The following NRG1 variants were observed in gnomAD, a reference collection of about 807,000 sequenced individuals.
NRG1 encodes the protein pro-neuregulin-1, membrane-bound isoform.
Under a neutral mutation model 63.8 loss-of-function variants are expected in NRG1, and 18 were observed. The ratio of observed to expected loss-of-function variants is 0.28; its 90% CI spans 0.19 to 0.42. NRG1 has a LOEUF of 0.42. Ranked by LOEUF, NRG1 falls within the 10% of genes least tolerant of loss-of-function variation. The pLI is 1.00. For synonymous variants in NRG1, 302 were observed against 301.3 expected, an observed-to-expected ratio of 1.00 and a Z score of -0.02; for missense variants, 762 against 814.7, an observed-to-expected ratio of 0.94 and a Z score of 0.79.
At chr8:32,656,481 G>C (rs1801513496) in intron 5 of NRG1, among the ~76,000 whole-genome samples, 1 of 152,030 alleles carries the variant, frequency 6.6e-6, no homozygotes, top group Non-Finnish European at 1.5e-5. Context: ...CACACTTAAG[G>C]GATTTTGGTA....
intron 1 of NRG1, among the ~76,000 whole-genome samples, chr8:32,320,039 C>T (rs1021908798): frequency 6.6e-6 from 1 of 152,088 alleles, no homozygotes; most frequent in South Asian, 2.1e-4. Context: ...TGGTTTTAAG[C>T]CCAGGTCTGC....
At position 31,702,983 on chromosome 8, in the gene NRG1, C is replaced by T. The variant is rs149273953; in HGVS notation, c.37+63552C>T. The stretch of plus-strand genomic sequence containing the variant: ...GAAATTTTGGTCTTGCAGAAGGAAT[C>T]CATTTGTTCTGTGAATCTCTATAAA... On this transcript the variant is annotated intron_variant, in intron 1 of 10. Coordinates refer to the NRG1 transcript ENST00000519301. Among the ~76,000 whole-genome samples, 6 of 151,094 alleles carry T rather than the reference C, an allele frequency of 4.0e-5. No homozygotes were observed. In the South Asian group the frequency reaches 1.1e-3, roughly 26 times the overall value.
At chr8:32,589,406 A>G (rs1008547144) in intron 1 of NRG1, among the ~76,000 whole-genome samples, 2 of 152,230 alleles carry the variant, frequency 1.3e-5, no homozygotes, top group Non-Finnish European at 2.9e-5. Context: ...ATTAGCTAAC[A>G]TAATTGTCAG....
intron 1 of NRG1, among the ~76,000 whole-genome samples, chr8:31,805,175 A>G (rs143157847): frequency 1.2e-3 from 179 of 152,244 alleles, no homozygotes; most frequent in African/African-American, 3.9e-3. Flanking sequence ...ACTTTAGGTA[A>G]TGAATAAATC....
intron 1 of NRG1, among the ~76,000 whole-genome samples, chr8:32,593,969 C>A (rs1359740466): frequency 6.6e-6 from 1 of 151,892 alleles, no homozygotes; most frequent in East Asian, 1.9e-4. Context: ...CATTAAATGG[C>A]TGCTTCTCCA....
chr8:31,834,905 C>G (rs1825553416), intron 1 of NRG1, among the ~76,000 whole-genome samples: 1 of 152,114 alleles, frequency 6.6e-6, no homozygotes, highest in Non-Finnish European at 1.5e-5. Context: ...GTTTATGCAA[C>G]TGTACATTTA....
intron 1 of NRG1, among the ~76,000 whole-genome samples, chr8:32,540,341 A>T (rs1321070724): frequency 3.9e-5 from 6 of 152,216 alleles, no homozygotes; most frequent in Non-Finnish European, 8.8e-5. Flanking sequence ...TATATCTGAT[A>T]AGAATCCTAG....
At chr8:32,488,318 A>C (rs1554557748) in intron 1 of NRG1, among the ~76,000 whole-genome samples, 1 of 152,200 alleles carries the variant, frequency 6.6e-6, no homozygotes, top group Non-Finnish European at 1.5e-5. Flanking sequence ...ACACTGCCAG[A>C]GCAAAATCAG....
intron 1 of NRG1, among the ~76,000 whole-genome samples, chr8:32,396,846 T>C (rs1172531023): frequency 1.3e-5 from 2 of 152,234 alleles, no homozygotes; most frequent in African/African-American, 4.8e-5. Flanking sequence ...TCTACTATGC[T>C]GACATCCATC....
intron 2 of NRG1, among the ~76,000 whole-genome samples, chr8:32,601,737 C>T (rs933222678): frequency 2.0e-5 from 3 of 151,702 alleles, no homozygotes; most frequent in Non-Finnish European, 4.4e-5. Flanking sequence ...TTTTTATCAT[C>T]AAATATCATT....
chr8:32,255,172 G>A (rs1446275451), intron 1 of NRG1, among the ~76,000 whole-genome samples: 1 of 152,050 alleles, frequency 6.6e-6, no homozygotes, highest in Non-Finnish European at 1.5e-5. Flanking sequence ...TCTTTAATTG[G>A]GGCATTTAGC....
In NRG1 at chr8:32,412,554, T is replaced by A. The variant is rs546253458; in HGVS notation, c.38-183274T>A. 9.9e-5 allele frequency among the ~76,000 whole-genome samples: 15 copies of A among 150,836 alleles called. 1 individual carries two copies. The highest frequency in any genetic ancestry group is 7.3e-4 in the Admixed American group (11 of 15,074). On this transcript the variant is annotated intron_variant, in intron 1 of 10. Transcript: ENST00000519301. ...AGTTATGTGTCACTTAACAATAGGA[T>A]ATATTCCAAAAATGTGTCATTAGGC...
At chr8:32,267,336 A>G (rs1006851824) in intron 1 of NRG1, among the ~76,000 whole-genome samples, 2 of 152,184 alleles carry the variant, frequency 1.3e-5, no homozygotes, top group African/African-American at 4.8e-5. Context: ...AAAATCCACT[A>G]TTCTTTGGAA....
intron 1 of NRG1, among the ~76,000 whole-genome samples, chr8:32,528,497 A>G (rs1246566920): frequency 6.6e-6 from 1 of 152,198 alleles, no homozygotes; most frequent in Non-Finnish European, 1.5e-5. Context: ...ATGTACATAT[A>G]TGTATAACAG....
chr8:32,007,020 A>G (rs1260660292), intron 1 of NRG1, among the ~76,000 whole-genome samples: 6 of 152,032 alleles, frequency 3.9e-5, no homozygotes, highest in African/African-American at 1.4e-4. Context: ...CTGGTGTTTG[A>G]TATTTCAGAG....
At chr8:32,139,158 C>G (rs1835925462) in intron 1 of NRG1, 1 of 152,200 alleles carries the variant, frequency 6.6e-6, no homozygotes, top group South Asian at 2.1e-4. Context: ...CAGCCTTGTC[C>G]TCTAATTCAG....
At chr8:32,592,184 G>C (rs1208292477) in intron 1 of NRG1, among the ~76,000 whole-genome samples, 1 of 151,398 alleles carries the variant, frequency 6.6e-6, no homozygotes, top group Admixed American at 6.6e-5. Flanking sequence ...CTAAAGTTTA[G>C]TTGAAGACAT....
At chr8:32,250,009 C>T (rs1321768506) in intron 1 of NRG1, among the ~76,000 whole-genome samples, 2 of 151,922 alleles carry the variant, frequency 1.3e-5, no homozygotes, top group Admixed American at 6.6e-5. Flanking sequence ...TATGGGAAGG[C>T]AGTTTGGGCC....
At position 31,754,572 on chromosome 8, in the gene NRG1, G is replaced by A. The variant is rs141580476; in HGVS notation, c.37+115141G>A. Among the ~76,000 whole-genome samples the A allele has an allele frequency of 2.2e-3, 331 of 152,056 alleles. 1 individual carries two copies. Among genetic ancestry groups the A allele is most frequent in the Middle Eastern group, 3.4e-3 (1 of 294 alleles). The stretch of plus-strand genomic sequence containing the variant: ...CTTCCTTCAAAAATTAACCATTCTC[G>A]GGTATTTCTTTATAGCAACGCAACA... On this transcript the variant is annotated intron_variant, in intron 1 of 10. Coordinates refer to the NRG1 transcript ENST00000519301.
Sources: allele counts gnomAD v4.1 joint callset (sites outside exome capture counted in the v4.1 genomes callset), GRCh38; gene constraint gnomAD v4.1.1; transcripts MANE v1.5; gene names NCBI Gene and HGNC (gene_info 2026-07-23, HGNC 2026-07-21).